Variants in TTC33 observed in about 807,000 individuals in gnomAD.
TTC33 encodes tetratricopeptide repeat domain 33, also known as tetratricopeptide repeat protein 33.
Under a neutral mutation model 29.4 loss-of-function variants are expected in TTC33, and 24 were observed. The ratio of observed to expected loss-of-function variants is 0.82; its 90% confidence interval spans 0.59 to 1.15. TTC33 has a LOEUF of 1.15. Ranked by LOEUF, TTC33 falls within the 50% of genes most tolerant of loss-of-function variation. The probability of loss-of-function intolerance (pLI) is 0.00; values close to 1 mark genes in which losing one functional copy is unlikely to be tolerated. For missense variants in TTC33, 286 were observed against 310.4 expected, an observed-to-expected ratio of 0.92 and a Z score of 0.59; for synonymous variants, 107 against 100.3, an observed-to-expected ratio of 1.07 and a Z score of -0.40.
chr5:40,737,702 T>C (rs985504686), intron 2 of TTC33, among the ~76,000 whole-genome samples: 2 of 152,190 alleles, frequency 1.3e-5, no homozygotes, highest in African/African-American at 4.8e-5. Flanking sequence ...AAGAACATTT[T>C]TGTCAATCCA....
rs1010068304 is a variant in TTC33, at chr5:40,741,401, A to C, written c.221+5397T>G. ...AAGCTTGAATAGCTCTCCGCTCTGT[A>C]TGAACGCTACGAATGGTTCAGCTTA... On this transcript the variant is annotated intron_variant, in intron 2 of 4. Transcript: ENST00000337702. Among the ~76,000 whole-genome samples, 4 of 152,160 alleles carry C rather than the reference A, an allele frequency of 2.6e-5. No homozygotes were observed. The South Asian group carries it at 8.3e-4, about 31-fold the overall frequency.
intron 4 of TTC33, among the ~76,000 whole-genome samples, chr5:40,721,033 C>A (rs1376144107): frequency 6.6e-6 from 1 of 152,158 alleles, no homozygotes; most frequent in Non-Finnish European, 1.5e-5. Flanking sequence ...CCTATCTGTT[C>A]CCCCAGCTTG....
rs748521666 is a variant in TTC33 at position 40,712,822 on chromosome 5, G to A, written c.*3323C>T. On this transcript the variant is annotated 3_prime_UTR_variant, in exon 5 of 5. Transcript: ENST00000337702. ...CTGTGAGAGGAAGCCATCCTTACCC[G>A]CCGCTGCCTTCTGACCAAAGTAGTT... is the stretch of plus-strand genomic sequence containing the variant. Among the ~76,000 whole-genome samples, 63 of 152,078 alleles carry A rather than the reference G, an allele frequency of 4.1e-4. No individual in the cohort carries two copies. Among genetic ancestry groups the A allele is most frequent in the Non-Finnish European group, 7.6e-4 (52 of 68,014 alleles).
intron 4 of TTC33, among the ~76,000 whole-genome samples, chr5:40,722,226 A>G (rs1017289905): frequency 6.7e-6 from 1 of 149,340 alleles, no homozygotes; most frequent in African/African-American, 2.5e-5. Context: ...TCAGTGCTCA[A>G]TGTTGCCCAG....
chr5:40,722,178 C>A (rs1561143766), intron 4 of TTC33, among the ~76,000 whole-genome samples: 1 of 151,552 alleles, frequency 6.6e-6, no homozygotes, highest in Non-Finnish European at 1.5e-5. Context: ...TCACTCCAGC[C>A]TGGGTGACAG....
At chr5:40,738,756 A>G (rs889859330) in intron 2 of TTC33, among the ~76,000 whole-genome samples, 2 of 152,098 alleles carry the variant, frequency 1.3e-5, no homozygotes, top group Non-Finnish European at 2.9e-5. Flanking sequence ...ACTAGGTAAT[A>G]GTATCTCATT....
chr5:40,753,104 C>T (rs1470708728), intron 1 of TTC33, among the ~76,000 whole-genome samples: 4 of 152,106 alleles, frequency 2.6e-5, no homozygotes, highest in Admixed American at 6.5e-5. Flanking sequence ...GTGGCTCACA[C>T]CTGTAATCCC....
chr5:40,727,789 AT>A (rs971752039), intron 4 of TTC33, among the ~76,000 whole-genome samples: 2 of 152,136 alleles, frequency 1.3e-5, no homozygotes, highest in African/African-American at 2.4e-5. Flanking sequence ...TTTATGTTAA[AT>A]TTTTTTTAAT....
At chr5:40,729,530 A>T (rs139297290) in intron 3 of TTC33, among the ~76,000 whole-genome samples, 2 of 152,292 alleles carry the variant, frequency 1.3e-5, no homozygotes, top group African/African-American at 4.8e-5. Flanking sequence ...ATCTATGCTG[A>T]CCTTTTGCTA....
chr5:40,728,281 CAAA>C (rs70988805), intron 4 of TTC33, 61 bp downstream of exon 4: 1 of 315,622 alleles, frequency 3.2e-6, no homozygotes, highest in African/African-American at 4.1e-5. Flanking sequence ...GACTCCATCT[CAAA>C]AAAAAAAAAA....
At chr5:40,743,125 T>C (rs1201203417) in intron 2 of TTC33, among the ~76,000 whole-genome samples, 1 of 152,036 alleles carries the variant, frequency 6.6e-6, no homozygotes, top group African/African-American at 2.4e-5. Context: ...AAGGGAGAAA[T>C]GCTCAAAAAC....
At chr5:40,753,218 C>T (rs1398567138) in intron 1 of TTC33, among the ~76,000 whole-genome samples, 1 of 151,784 alleles carries the variant, frequency 6.6e-6, no homozygotes, top group African/African-American at 2.4e-5. Context: ...ACAAAAAGTA[C>T]CTGGGCATGG....
chr5:40,722,402 G>A lies in TTC33; in HGVS notation c.436-5904C>T, dbSNP rs573907175. 2.8e-3 allele frequency among the ~76,000 whole-genome samples: 427 copies of A among 150,460 alleles called. 4 individuals are homozygous for A. Among genetic ancestry groups the A allele is most frequent in the African/African-American group, 0.01 (411 of 40,888 alleles). Reference sequence around the variant, plus strand: ...ATGTGAGGAGCCCCTCTGCCCGGCCGCCCAGTCTGGGAAGTGAGGAGCGCC... The same window carrying A: ...ATGTGAGGAGCCCCTCTGCCCGGCCACCCAGTCTGGGAAGTGAGGAGCGCC... On this transcript the variant is annotated intron_variant, in intron 4 of 4. Transcript: ENST00000337702.
intron 2 of TTC33, among the ~76,000 whole-genome samples, chr5:40,744,954 T>C (rs949269473): frequency 6.6e-6 from 1 of 152,174 alleles, no homozygotes; most frequent in African/African-American, 2.4e-5. Flanking sequence ...ACCTACGACA[T>C]ATACTTGCCA....
chr5:40,723,086 C>G (rs964043083), intron 4 of TTC33, among the ~76,000 whole-genome samples: 1 of 152,160 alleles, frequency 6.6e-6, no homozygotes, highest in Non-Finnish European at 1.5e-5. Flanking sequence ...TTGTTCTGTA[C>G]TAAGAAAAAT....
chr5:40,732,324 T>C (rs986471380), intron 2 of TTC33, among the ~76,000 whole-genome samples: 1 of 152,102 alleles, frequency 6.6e-6, no homozygotes, highest in African/African-American at 2.4e-5. Flanking sequence ...GCCTCAAGTT[T>C]GGCATTACTT....
rs995410093 is a variant in TTC33 at position 40,723,246 on chromosome 5, AAG to A, written c.435+5097_435+5098del. Among the ~76,000 whole-genome samples the A allele has an allele frequency of 5.3e-5, 8 of 152,188 alleles. No individual in the cohort carries two copies. The East Asian group carries it at 1.5e-3, about 29-fold the overall frequency. On this transcript the variant is annotated intron_variant, in intron 4 of 4. Coordinates refer to ENST00000337702, the MANE Select transcript of TTC33 (RefSeq NM_012382.3). Reference sequence around the variant, plus strand: ...GATGCTTGAAGGCAGCATGCTCCTTAAGAGTCATCACCACTCCCTAATCTCAA... The same window carrying A: ...GATGCTTGAAGGCAGCATGCTCCTTAAGTCATCACCACTCCCTAATCTCAA...
Position 40,715,069 on chromosome 5 carries a change from A to G in TTC33, c.*1076T>C, listed in dbSNP as rs1741971695. 6.6e-6 allele frequency: 1 copy of G among 152,108 alleles called. No homozygotes were observed. Among genetic ancestry groups the G allele is most frequent in the African/African-American group, 2.4e-5 (1 of 41,458 alleles). The allele number at this position is 152,108 out of a possible 1,614,324, so 9.4% of individuals were successfully genotyped here. On this transcript the variant is annotated 3_prime_UTR_variant, in exon 5 of 5. Coordinates refer to ENST00000337702, the MANE Select transcript of TTC33 (RefSeq NM_012382.3). The stretch of plus-strand genomic sequence containing the variant: ...TCATACTCATGAGATTGTACTATAA[A>G]TCACATTCCAATTTCTATGTATTTT...
rs774113103 is a variant in TTC33 at position 40,728,484 on chromosome 5, C to CA, written c.304-9dup. The CA allele has an allele frequency of 1.8e-5, 28 of 1,577,376 alleles. No individual in the cohort carries two copies. Among genetic ancestry groups the CA allele is most frequent in the East Asian group, 2.2e-5 (1 of 44,484 alleles). ...ATGAAGAGACATTAGCACCTATAGG[C>CA]AAAAAAAGACCAAAAAATCTGTCAG... On this transcript the variant is annotated splice_polypyrimidine_tract_variant and intron_variant, in intron 3 of 4. Transcript: ENST00000337702.
Sources: allele counts gnomAD v4.1 joint callset (sites outside exome capture counted in the v4.1 genomes callset), GRCh38; gene constraint gnomAD v4.1.1; transcripts MANE v1.5; gene names NCBI Gene and HGNC (gene_info 2026-07-23, HGNC 2026-07-21).